The following TBX20 variants were observed in gnomAD, a reference collection of about 807,000 sequenced individuals.
The protein encoded by TBX20 is T-box transcription factor 20.
A neutral mutation model predicts 42.9 loss-of-function variants in TBX20; 8 were observed. That is an observed-to-expected ratio of 0.19 (90% CI 0.11 to 0.34). TBX20 has a LOEUF of 0.34. Among genes scored for constraint, TBX20 ranks in the 10% least tolerant of loss-of-function variants. The probability of loss-of-function intolerance (pLI) is 1.00; values close to 1 mark genes in which losing one functional copy is unlikely to be tolerated. For synonymous variants in TBX20, 198 were observed against 222.8 expected (o/e 0.89, Z 0.99); for missense variants, 411 against 566.0 (o/e 0.73, Z 2.78).
chr7:35,241,620 A>G (rs17171924), intron 4 of TBX20, among the ~76,000 whole-genome samples: 3 of 152,102 alleles, frequency 2.0e-5, no homozygotes, highest in African/African-American at 7.2e-5. Context: ...CACAGAGGAA[A>G]CAGGAAGTGC....
At chr7:35,215,002 G>T (rs551027682) in intron 6 of TBX20, among the ~76,000 whole-genome samples, 1 of 152,214 alleles carries the variant, frequency 6.6e-6, no homozygotes, top group South Asian at 2.1e-4. Flanking sequence ...TTTAAAAAAA[G>T]AGTGTAATAG....
chr7:35,252,034 G>A (rs188481910), intron 1 of TBX20, among the ~76,000 whole-genome samples: 96 of 152,264 alleles, frequency 6.3e-4, no homozygotes, highest in African/African-American at 2.2e-3. Flanking sequence ...TAGAATTTTC[G>A]ATATAAGGTG....
intron 6 of TBX20, among the ~76,000 whole-genome samples, chr7:35,229,399 C>G (rs1165750796): frequency 2.6e-5 from 4 of 152,080 alleles, no homozygotes; most frequent in Non-Finnish European, 5.9e-5. Context: ...GTCCCATCCC[C>G]AAAGGCTGTT....
At chr7:35,216,140 G>C (rs1166917255) in intron 6 of TBX20, among the ~76,000 whole-genome samples, 1 of 152,082 alleles carries the variant, frequency 6.6e-6, no homozygotes, top group East Asian at 1.9e-4. Flanking sequence ...CTACTTTCTT[G>C]ATCTAGGCAG....
At chr7:35,225,321 T>C (rs1789750847) in intron 6 of TBX20, among the ~76,000 whole-genome samples, 1 of 152,222 alleles carries the variant, frequency 6.6e-6, no homozygotes, top group Non-Finnish European at 1.5e-5. Flanking sequence ...TTAAAAAAAA[T>C]ACAAAAATAT....
At chr7:35,224,695 G>A (rs530384474) in intron 6 of TBX20, among the ~76,000 whole-genome samples, 2 of 150,858 alleles carry the variant, frequency 1.3e-5, no homozygotes, top group Admixed American at 6.6e-5. Flanking sequence ...ATTCCAGGCA[G>A]GAATATAAGG....
intron 4 of TBX20, among the ~76,000 whole-genome samples, chr7:35,242,791 C>T (rs561807741): frequency 3.5e-4 from 54 of 152,264 alleles, no homozygotes; most frequent in Non-Finnish European, 5.7e-4. Flanking sequence ...AACGTGGACT[C>T]TGCTTCACTC....
In TBX20 at chr7:35,231,375, G is replaced by C. The variant is rs1028824302; in HGVS notation, c.890+129C>G. The stretch of plus-strand genomic sequence containing the variant: ...GCAGTTGCATATGTACAAGGAATGG[G>C]GTGCAGAGAATAGAAGACTATATAT... On this transcript the variant is annotated intron_variant, in intron 6 of 7. Coordinates refer to ENST00000408931, the MANE Select transcript of TBX20 (RefSeq NM_001077653.2). The C allele has an allele frequency of 3.7e-5, 26 of 703,212 alleles. No individual in the cohort carries two copies. In the Admixed American group the frequency reaches 5.4e-4, roughly 15 times the overall value. The allele number at this position is 703,212 out of a possible 1,614,324, so 43.6% of individuals were successfully genotyped here.
chr7:35,249,587 C>A lies in TBX20; in HGVS notation c.380+364G>T, dbSNP rs1449775680. Among the ~76,000 whole-genome samples the A allele has an allele frequency of 1.3e-5, 2 of 152,246 alleles. No individual in the cohort carries two copies. The highest frequency in any genetic ancestry group is 2.9e-5 in the Non-Finnish European group (2 of 68,046). ...TACTCACCTACCTAGAAGCACCCAG[C>A]AGCTCACCAGGCACCCAGGCACAAA... is the stretch of plus-strand genomic sequence containing the variant. On this transcript the variant is annotated intron_variant, in intron 2 of 7. Transcript: ENST00000408931. The surrounding 1 kb of genome is among the most constrained non-coding windows in gnomAD (Gnocchi z 4.3).
At chr7:35,216,523 T>A (rs556595620) in intron 6 of TBX20, among the ~76,000 whole-genome samples, 260 of 152,398 alleles carry the variant, frequency 1.7e-3, no homozygotes, top group African/African-American at 6.1e-3. Flanking sequence ...GCTTAATTGG[T>A]ACCTGACACA....
intron 6 of TBX20, among the ~76,000 whole-genome samples, chr7:35,225,117 A>AT (rs1282797306): frequency 6.6e-6 from 1 of 152,240 alleles, no homozygotes; most frequent in African/African-American, 2.4e-5. Context: ...ATTAAAACTG[A>AT]TTTTTTAAGT....
At chr7:35,241,792 C>G (rs1021712431) in intron 4 of TBX20, among the ~76,000 whole-genome samples, 2 of 152,314 alleles carry the variant, frequency 1.3e-5, no homozygotes, top group African/African-American at 4.8e-5. Flanking sequence ...CATAAACACA[C>G]CCTTGTTAAC....
At chr7:35,225,991 T>C (rs1221188429) in intron 6 of TBX20, among the ~76,000 whole-genome samples, 2 of 152,082 alleles carry the variant, frequency 1.3e-5, no homozygotes, top group African/African-American at 4.8e-5. Flanking sequence ...GTACAGCATG[T>C]GACAAAGGGA....
intron 6 of TBX20, among the ~76,000 whole-genome samples, chr7:35,230,710 G>A (rs1169678853): frequency 1.3e-5 from 2 of 152,178 alleles, no homozygotes; most frequent in Admixed American, 1.3e-4. Context: ...AAATTACACA[G>A]ATGTAGAGAT....
At chr7:35,235,265 A>C (rs562915279) in intron 5 of TBX20, among the ~76,000 whole-genome samples, 1 of 148,562 alleles carries the variant, frequency 6.7e-6, no homozygotes, top group Non-Finnish European at 1.5e-5. Context: ...GTAGTTTTAC[A>C]TCTCTTTATG....
chr7:35,229,030 G>A (rs1789824464), intron 6 of TBX20, among the ~76,000 whole-genome samples: 1 of 151,996 alleles, frequency 6.6e-6, no homozygotes, highest in Non-Finnish European at 1.5e-5. Flanking sequence ...AGCTGTAGAA[G>A]GATTAAAACT....
chr7:35,243,108 G>T (rs1790114749), intron 4 of TBX20, among the ~76,000 whole-genome samples: 2 of 152,094 alleles, frequency 1.3e-5, no homozygotes, highest in African/African-American at 2.4e-5. Flanking sequence ...CACCCAAGTG[G>T]CTGGGACTAC....
intron 6 of TBX20, among the ~76,000 whole-genome samples, chr7:35,217,103 G>GA (rs1789604284): frequency 6.6e-6 from 1 of 151,942 alleles, no homozygotes; most frequent in Non-Finnish European, 1.5e-5. Flanking sequence ...ATCCATTTTG[G>GA]AAAAACAAAA....
intron 6 of TBX20, among the ~76,000 whole-genome samples, chr7:35,207,059 C>T (rs1242011932): frequency 6.6e-6 from 1 of 152,102 alleles, no homozygotes; most frequent in Non-Finnish European, 1.5e-5. Context: ...GACTAAATTG[C>T]ATATATGTGC....
Sources: gnomAD v4.1 joint callset for allele counts (sites outside exome capture counted in the v4.1 genomes callset) on GRCh38, gnomAD v4.1.1 for gene constraint, Gnocchi (gnomAD v3.1) non-coding constraint, MANE v1.5 for transcripts, NCBI Gene and HGNC (gene_info 2026-07-23, HGNC 2026-07-21) for gene names.